Variants in KCTD19 observed in about 807,000 individuals in gnomAD.
KCTD19 encodes the protein BTB/POZ domain-containing protein KCTD19.
Under a neutral mutation model 103.5 loss-of-function variants are expected in KCTD19, and 67 were observed. That is an observed-to-expected ratio of 0.65 (90% CI 0.53 to 0.79). KCTD19 has a LOEUF of 0.79. Ranked by LOEUF, KCTD19 falls within the 30% of genes least tolerant of loss-of-function variation. The pLI is 0.00. For missense variants in KCTD19, 980 were observed against 1,136.1 expected (o/e 0.86, Z 1.98); for synonymous variants, 439 against 452.2 (o/e 0.97, Z 0.37).
intron 14 of KCTD19, 75 bp from the exon 15 acceptor site, chr16:67,291,061 T>C: frequency 6.7e-7 from 1 of 1,486,578 alleles, no homozygotes; most frequent in Non-Finnish European, 9.2e-7. Context: ...GAGCGGGGAC[T>C]TCTCTGGGCC....
chr16:67,290,525 G>A (rs1297389357), intron 15 of KCTD19, among the ~76,000 whole-genome samples: 1 of 152,166 alleles, frequency 6.6e-6, no homozygotes, highest in African/African-American at 2.4e-5. Context: ...GTACACAATT[G>A]GTGACATCGT....
Position 67,289,568 on chromosome 16 carries a change from C to T in KCTD19, c.*1G>A. 2 of 1,601,588 alleles carry T rather than the reference C, an allele frequency of 1.2e-6. No homozygotes were observed. Among genetic ancestry groups the T allele is most frequent in the Non-Finnish European group, 1.7e-6 (2 of 1,168,782 alleles). ...CATGAGGGGCTGCATCTCTGGGCAC[C>T]CTAGTCCTCTTGTAGGTACTTTCCC... On this transcript the variant is annotated 3_prime_UTR_variant, in exon 16 of 16. Transcript: ENST00000304372.
intron 12 of KCTD19, among the ~76,000 whole-genome samples, chr16:67,292,040 A>G (rs1194966922): frequency 6.6e-6 from 1 of 151,930 alleles, no homozygotes; most frequent in East Asian, 1.9e-4. Context: ...CGCCCGGCTA[A>G]TTTTTGTATT....
intron 14 of KCTD19, 95 bp from the exon 15 acceptor site, chr16:67,291,081 A>C: frequency 1.5e-6 from 2 of 1,369,274 alleles, no homozygotes; most frequent in Non-Finnish European, 2.0e-6. Flanking sequence ...CCACAGAGCC[A>C]CAGGGGTAGG....
rs1185581523 is a variant in KCTD19, at chr16:67,303,138, G to A, written c.643+8C>T. The A allele has an allele frequency of 6.3e-7, 1 of 1,597,754 alleles. No homozygotes were observed. The highest frequency in any genetic ancestry group is 1.7e-5 in the Admixed American group (1 of 58,886). On this transcript the variant is annotated splice_region_variant and intron_variant, in intron 4 of 15. Transcript: ENST00000304372. The surrounding 1 kb of genome is among the most constrained non-coding windows in gnomAD (Gnocchi z 4.3). ...CGCCCCCCACCCCACCCCGGACAGAGCAATCACCAATGAAGCGGAACTCGC... is the reference window on the plus strand; with the variant it reads ...CGCCCCCCACCCCACCCCGGACAGAACAATCACCAATGAAGCGGAACTCGC...
chr16:67,312,825 A>G (rs148501677), intron 2 of KCTD19, among the ~76,000 whole-genome samples: 121 of 152,310 alleles, frequency 7.9e-4, no homozygotes, highest in East Asian at 3.9e-4. Flanking sequence ...TATTACCACC[A>G]TAGAACAAAC....
Position 67,314,830 on chromosome 16 carries a change from T to TAGAG in KCTD19, c.300+5755_300+5758dup, listed in dbSNP as rs71145965. Among the ~76,000 whole-genome samples, 87 of 33,642 alleles carry TAGAG rather than the reference T, an allele frequency of 2.6e-3. 2 individuals are homozygous for TAGAG. Among genetic ancestry groups the TAGAG allele is most frequent in the African/African-American group, 9.2e-3 (43 of 4,692 alleles). The allele number at this position is 33,642 out of a possible 152,430, so 22.1% of individuals were successfully genotyped here. A position where few individuals can be genotyped will look rare whatever the true frequency, so the allele number is the denominator to read the frequency against. On this transcript the variant is annotated intron_variant, in intron 2 of 15. Transcript: ENST00000304372. ...ATATATATATATATATATATATATA[T>TAGAG]AGAGAGAGAGAGAGAGAGAGAGAGA...
Position 67,323,384 on chromosome 16 carries a change from A to T in KCTD19, c.4-2499T>A, listed in dbSNP as rs2037096466. On this transcript the variant is annotated intron_variant, in intron 1 of 15. Transcript: ENST00000304372. This position sits in a 1 kb window ranked among gnomAD's most constrained non-coding sequence, Gnocchi z 4.1. ...GTCAATACGAAGGAATGGGATGAACATGGTGGCTTGTGCTTGTAATCCCAG... is the reference window on the plus strand; with the variant it reads ...GTCAATACGAAGGAATGGGATGAACTTGGTGGCTTGTGCTTGTAATCCCAG... Among the ~76,000 whole-genome samples the T allele has an allele frequency of 6.6e-6, 1 of 152,208 alleles. No individual in the cohort carries two copies. Among genetic ancestry groups the T allele is most frequent in the Non-Finnish European group, 1.5e-5 (1 of 68,042 alleles).
chr16:67,296,770 A>G (rs1296884689), intron 7 of KCTD19, among the ~76,000 whole-genome samples: 1 of 152,152 alleles, frequency 6.6e-6, no homozygotes, highest in Non-Finnish European at 1.5e-5. Context: ...GGAGATGACT[A>G]TATGTAGGCC....
rs1375385729 is a variant in KCTD19 at position 67,296,232 on chromosome 16, T to TA, written c.1174dup (p.Tyr392LeufsTer71). 11 of 1,613,016 alleles carry TA rather than the reference T, an allele frequency of 6.8e-6. No individual in the cohort carries two copies. The highest frequency in any genetic ancestry group is 9.3e-6 in the Non-Finnish European group (11 of 1,179,116). On this transcript the variant is annotated frameshift_variant, in exon 8 of 16. Coordinates refer to ENST00000304372, the MANE Select transcript of KCTD19 (RefSeq NM_001100915.3). LOFTEE classifies it high-confidence loss of function. ...CACTTTGATGATCTGTTGTGGGGAA[T>TA]ACACAGTGATCTCTGCCGTCCACTC...
At chr16:67,318,928 T>C (rs1375421354) in intron 2 of KCTD19, among the ~76,000 whole-genome samples, 1 of 152,040 alleles carries the variant, frequency 6.6e-6, no homozygotes, top group Non-Finnish European at 1.5e-5. Flanking sequence ...TGGTAGTATA[T>C]TAAGAATTTT....
rs902713373 is a variant in KCTD19 at position 67,300,332 on chromosome 16, G to A, written c.776-759C>T. 1 of 152,282 alleles carries A rather than the reference G, an allele frequency of 6.6e-6. No individual in the cohort carries two copies. Among genetic ancestry groups the A allele is most frequent in the Non-Finnish European group, 1.5e-5 (1 of 68,092 alleles). 9.4% of individuals were successfully genotyped at this position (152,282 alleles called of 1,614,324 possible). A position where few individuals can be genotyped will look rare whatever the true frequency, so the allele number is the denominator to read the frequency against. ...CAAAGCTAGGCAGGGGCAGGGCTAG[G>A]ATTTGAGGTCAGCTCTGTCCAGCTC... is the stretch of plus-strand genomic sequence containing the variant. On this transcript the variant is annotated intron_variant, in intron 5 of 15. Transcript: ENST00000304372. The surrounding 1 kb of genome is among the most constrained non-coding windows in gnomAD (Gnocchi z 4.5).
Position 67,291,663 on chromosome 16 carries a change from G to C in KCTD19, c.2393C>G (p.Ala798Gly). The C allele has an allele frequency of 6.2e-7, 1 of 1,613,898 alleles. No homozygotes were observed. The highest frequency in any genetic ancestry group is 1.1e-5 in the South Asian group (1 of 91,012). Residue 798 changes from alanine (A) to glycine (G), a missense_variant, in exon 13 of 16, where the codon GCC becomes GGC. Coordinates refer to ENST00000304372, the MANE Select transcript of KCTD19 (RefSeq NM_001100915.3). ...MDNLRHTTPT[A>G]SPQPQEVTFL... is the part of the protein sequence containing the mutation. ...AGCCTCACCTTGGGGCTGGGGACTG[G>C]CTGTGGGTGTTGTGTGCCTGAGGTT... is the stretch of plus-strand genomic sequence containing the variant.
At position 67,293,656 on chromosome 16, in the gene KCTD19, C is replaced by T; in HGVS notation, c.2106G>A (p.Gly702=). ...ASEKDPGPQA[G]AGAGAKDKGP... ...CCTTGTCTTTCGCTCCAGCTCCAGC[C>T]CCTGCCTGTGGTCCTGGATCCTTCT... Residue 702 remains glycine (G), a synonymous_variant, in exon 12 of 16, where the codon GGG becomes GGA. Transcript: ENST00000304372. This position sits in a 1 kb window ranked among gnomAD's most constrained non-coding sequence, Gnocchi z 4.0. The T allele has an allele frequency of 1.2e-6, 2 of 1,613,038 alleles. No homozygotes were observed. The highest frequency in any genetic ancestry group is 1.7e-6 in the Non-Finnish European group (2 of 1,179,116).
At chr16:67,324,301 A>C (rs1242153524) in intron 1 of KCTD19, among the ~76,000 whole-genome samples, 2 of 152,212 alleles carry the variant, frequency 1.3e-5, no homozygotes, top group African/African-American at 4.8e-5. Context: ...CCCTTGTAAA[A>C]ATATTTTTTA....
At chr16:67,297,385 C>A in intron 7 of KCTD19, 118 bp downstream of exon 7, 1 of 1,047,028 alleles carries the variant, frequency 9.6e-7, no homozygotes, top group Non-Finnish European at 1.4e-6. Flanking sequence ...AAATATTGGC[C>A]TGGCTTTCCC....
intron 2 of KCTD19, among the ~76,000 whole-genome samples, chr16:67,314,782 GT>G (rs1415175581): frequency 8.0e-6 from 1 of 125,000 alleles, no homozygotes; most frequent in East Asian, 2.4e-4. Flanking sequence ...TGACATGATG[GT>G]TTTTTTCACT....
chr16:67,322,549 T>C (rs925783941), intron 1 of KCTD19, among the ~76,000 whole-genome samples: 1 of 152,148 alleles, frequency 6.6e-6, no homozygotes, highest in Non-Finnish European at 1.5e-5. Context: ...CCACCTGCTT[T>C]GGCCTCCCAA....
chr16:67,316,470 A>G (rs1430840974), intron 2 of KCTD19, among the ~76,000 whole-genome samples: 1 of 152,216 alleles, frequency 6.6e-6, no homozygotes, highest in Non-Finnish European at 1.5e-5. Context: ...TATTCTTTCA[A>G]CTAAATTCTA....
Sources: gnomAD v4.1 joint callset for allele counts (sites outside exome capture counted in the v4.1 genomes callset) on GRCh38, gnomAD v4.1.1 for gene constraint, Gnocchi (gnomAD v3.1) non-coding constraint, MANE v1.5 for transcripts, NCBI Gene and HGNC (gene_info 2026-07-23, HGNC 2026-07-21) for gene names.